Variants in AATF observed in about 807,000 individuals in gnomAD.
AATF encodes the protein protein AATF.
A neutral mutation model predicts 63.7 loss-of-function variants in AATF; 48 were observed. The ratio of observed to expected loss-of-function variants is 0.75; its 90% CI spans 0.60 to 0.96. AATF has a LOEUF of 0.96. AATF is among the 40% of genes least tolerant of loss of function. The pLI is 0.00. For synonymous variants in AATF, 258 were observed against 247.7 expected, an observed-to-expected ratio of 1.04 and a Z score of -0.39; for missense variants, 639 against 685.7, an observed-to-expected ratio of 0.93 and a Z score of 0.76.
intron 4 of AATF, among the ~76,000 whole-genome samples, chr17:36,978,111 G>A (rs1160655809): frequency 1.3e-5 from 2 of 152,056 alleles, no homozygotes; most frequent in African/African-American, 4.8e-5. Context: ...ATGTTACTTA[G>A]TGTGGCAGTA....
intron 8 of AATF, among the ~76,000 whole-genome samples, chr17:37,013,823 T>C (rs1379377951): frequency 6.6e-6 from 1 of 152,196 alleles, no homozygotes; most frequent in Non-Finnish European, 1.5e-5. Context: ...TTTAAAAGAT[T>C]TGCCTAGTTT....
chr17:37,033,527 C>A (rs1381486718), intron 11 of AATF, among the ~76,000 whole-genome samples: 2 of 152,130 alleles, frequency 1.3e-5, no homozygotes, highest in African/African-American at 4.8e-5. Flanking sequence ...CTTAGTTTTT[C>A]CAGAATCTTA....
chr17:36,969,795 A>G (rs1452283214), intron 4 of AATF, among the ~76,000 whole-genome samples: 1 of 152,204 alleles, frequency 6.6e-6, no homozygotes, highest in Non-Finnish European at 1.5e-5. Context: ...CAGCCTCTTT[A>G]TAATCTTTCC....
chr17:37,031,345 T>A, intron 10 of AATF: 1 of 492,976 alleles, frequency 2.0e-6, no homozygotes, highest in Non-Finnish European at 3.7e-6. Flanking sequence ...TACATGCAAA[T>A]ACTATGCCAT....
intron 1 of AATF, among the ~76,000 whole-genome samples, chr17:36,949,699 G>A (rs953274702): frequency 6.6e-6 from 1 of 152,232 alleles, no homozygotes; most frequent in African/African-American, 2.4e-5. Context: ...AGTGGCTGAC[G>A]ACTGAGACTC....
chr17:37,017,960 A>G (rs1232091515), intron 8 of AATF, among the ~76,000 whole-genome samples: 4 of 152,188 alleles, frequency 2.6e-5, no homozygotes, highest in Admixed American at 6.5e-5. Context: ...ACCATGCCTC[A>G]CCTACAAAAT....
At chr17:36,970,970 G>C (rs1406266190) in intron 4 of AATF, among the ~76,000 whole-genome samples, 1 of 151,900 alleles carries the variant, frequency 6.6e-6, no homozygotes, top group African/African-American at 2.4e-5. Flanking sequence ...AAATCATAAA[G>C]TGTTTTGAAA....
At chr17:37,028,815 T>C (rs1453912747) in intron 10 of AATF, among the ~76,000 whole-genome samples, 2 of 152,028 alleles carry the variant, frequency 1.3e-5, no homozygotes, top group African/African-American at 4.8e-5. Flanking sequence ...AAGTGAAGAA[T>C]TAGAAGCAAT....
Sources: gnomAD v4.1 joint callset for allele counts (sites outside exome capture counted in the v4.1 genomes callset) on GRCh38, gnomAD v4.1.1 for gene constraint, MANE v1.5 for transcripts, NCBI Gene and HGNC (gene_info 2026-07-23, HGNC 2026-07-21) for gene names.